Variants in INSR observed in about 807,000 individuals in gnomAD.
The protein encoded by INSR is IR.
INSR carries 67 observed loss-of-function variants against 142.6 expected under a neutral mutation model. The ratio of observed to expected loss-of-function variants is 0.47; its 90% confidence interval spans 0.39 to 0.58. INSR has a LOEUF of 0.58. Ranked by LOEUF, INSR falls within the 20% of genes least tolerant of loss-of-function variation. INSR has a pLI of 0.00. For synonymous variants in INSR, 756 were observed against 743.1 expected, an observed-to-expected ratio of 1.02 and a Z score of -0.28; for missense variants, 1,248 against 1,833.2, an observed-to-expected ratio of 0.68 and a Z score of 5.83.
chr19:7,178,547 T>C (rs10403257), intron 3 of INSR, among the ~76,000 whole-genome samples: 62,607 of 151,772 alleles, frequency 0.41, 13,740 homozygotes, highest in African/African-American at 0.57. Flanking sequence ...GGTGAAACCC[T>C]GTCTCTACTA....
intron 2 of INSR, among the ~76,000 whole-genome samples, chr19:7,224,975 G>A (rs1266445988): frequency 2.6e-5 from 4 of 152,062 alleles, no homozygotes; most frequent in Admixed American, 6.6e-5. Context: ...GAGACAGACA[G>A]ACAGACAGAC....
chr19:7,227,566 C>A (rs1022595058), intron 2 of INSR, among the ~76,000 whole-genome samples: 1 of 152,132 alleles, frequency 6.6e-6, no homozygotes, highest in East Asian at 1.9e-4. Context: ...AGCCACTGCA[C>A]CCGGTCAACA....
intron 2 of INSR, among the ~76,000 whole-genome samples, chr19:7,257,965 G>GGC (rs1976947480): frequency 6.6e-6 from 1 of 152,216 alleles, no homozygotes; most frequent in Non-Finnish European, 1.5e-5. Flanking sequence ...TGGGATTACA[G>GGC]GTGCCCGCCA....
intron 9 of INSR, among the ~76,000 whole-genome samples, chr19:7,153,335 C>T (rs1186495124): frequency 4.4e-5 from 4 of 91,542 alleles, no homozygotes; most frequent in Admixed American, 1.2e-4. Flanking sequence ...CACACACCCA[C>T]GCCACACACC....
intron 1 of INSR, among the ~76,000 whole-genome samples, chr19:7,274,036 T>TA (rs199975654): frequency 8.1e-5 from 12 of 148,184 alleles, no homozygotes; most frequent in African/African-American, 1.5e-4. Flanking sequence ...TAATCAATCC[T>TA]AAAAAAAAAA....
intron 4 of INSR, among the ~76,000 whole-genome samples, chr19:7,173,299 C>G (rs893829518): frequency 3.9e-5 from 6 of 152,052 alleles, no homozygotes; most frequent in African/African-American, 7.2e-5. Context: ...CAAAGGAATG[C>G]CTTTTTGCCT....
chr19:7,238,430 G>A (rs147765242), intron 2 of INSR, among the ~76,000 whole-genome samples: 87 of 152,022 alleles, frequency 5.7e-4, no homozygotes, highest in African/African-American at 2.0e-3. Context: ...GACCAGCCTG[G>A]CCAACATGGT....
At chr19:7,268,103 G>T (rs1379643223) in intron 1 of INSR, among the ~76,000 whole-genome samples, 1 of 152,058 alleles carries the variant, frequency 6.6e-6, no homozygotes, top group East Asian at 1.9e-4. Context: ...AAAACGCCAA[G>T]AAAATAATTC....
chr19:7,187,540 G>A (rs555321808), intron 2 of INSR, among the ~76,000 whole-genome samples: 1 of 152,228 alleles, frequency 6.6e-6, no homozygotes, highest in East Asian at 1.9e-4. Context: ...GGGTACTTGT[G>A]ATATTTTGTC....
chr19:7,153,031 C>CAT, intron 9 of INSR, 104 bp from the exon 10 acceptor site: 1 of 466,998 alleles, frequency 2.1e-6, no homozygotes, highest in Non-Finnish European at 3.6e-6. Flanking sequence ...ACACACCACA[C>CAT]ACACACACAC....
chr19:7,263,250 GC>G (rs1322310782), intron 2 of INSR, among the ~76,000 whole-genome samples: 4 of 151,624 alleles, frequency 2.6e-5, no homozygotes, highest in Non-Finnish European at 4.4e-5. Context: ...CTGCCCCCCA[GC>G]CTAGGTGGCA....
Position 7,216,379 on chromosome 19 carries a change from T to C in INSR, c.653-31742A>G, listed in dbSNP as rs1008746200. Among the ~76,000 whole-genome samples, 9 of 152,148 alleles carry C rather than the reference T, an allele frequency of 5.9e-5. No individual in the cohort carries two copies. Among genetic ancestry groups the C allele is most frequent in the African/African-American group, 1.9e-4 (8 of 41,424 alleles). ...TGTGCCTCTGAAATCCTAAACAGAATATTACATGGCGTCTTGGACCTCCGT... is the reference window on the plus strand; with the variant it reads ...TGTGCCTCTGAAATCCTAAACAGAACATTACATGGCGTCTTGGACCTCCGT... On this transcript the variant is annotated intron_variant, in intron 2 of 21. Coordinates refer to ENST00000302850, the MANE Select transcript of INSR (RefSeq NM_000208.4). The surrounding 1 kb of genome is among the most constrained non-coding windows in gnomAD (Gnocchi z 4.2).
rs1968562023 is a variant in INSR at position 7,293,779 on chromosome 19, C to T, written c.100+13G>A. The T allele has an allele frequency of 7.4e-7, 1 of 1,354,658 alleles. No individual in the cohort carries two copies. The highest frequency in any genetic ancestry group is 1.8e-5 in the South Asian group (1 of 55,638). The allele number at this position is 1,354,658 out of a possible 1,614,324, so 83.9% of individuals were successfully genotyped here. A position where few individuals can be genotyped will look rare whatever the true frequency, so the allele number is the denominator to read the frequency against. Reference sequence around the variant, plus strand: ...GCGGCGCTCCCCGCCCACGCCCGCGCCCCCAGACTCACCCTCTCCGGGGTA... The same window carrying T: ...GCGGCGCTCCCCGCCCACGCCCGCGTCCCCAGACTCACCCTCTCCGGGGTA... On this transcript the variant is annotated intron_variant, in intron 1 of 21. Transcript: ENST00000302850.
chr19:7,200,731 A>C (rs1262125646), intron 2 of INSR, among the ~76,000 whole-genome samples: 2 of 151,904 alleles, frequency 1.3e-5, no homozygotes, highest in East Asian at 3.9e-4. Flanking sequence ...ATGATGACAC[A>C]TGATTGTAGT....
chr19:7,174,447 G>A, intron 4 of INSR, 136 bp downstream of exon 4: 1 of 923,442 alleles, frequency 1.1e-6, no homozygotes, highest in East Asian at 2.4e-5. Context: ...CTATCCATGG[G>A]GGAGCCACTG....
Position 7,180,529 on chromosome 19 carries a change from C to CAAAAA in INSR, c.974+3782_974+3786dup, listed in dbSNP as rs57184012. ...TGGGTGACAGACCAAGACCTTGTCTCAAAAAAAAAAAAAAAAGACAAAAAT... is the reference window on the plus strand; with the variant it reads ...TGGGTGACAGACCAAGACCTTGTCTCAAAAAAAAAAAAAAAAAAAAAGACAAAAAT... On this transcript the variant is annotated intron_variant, in intron 3 of 21. Coordinates refer to ENST00000302850, the MANE Select transcript of INSR (RefSeq NM_000208.4). Among the ~76,000 whole-genome samples, 18 of 91,930 alleles carry CAAAAA rather than the reference C, an allele frequency of 2.0e-4. 1 individual carries two copies. Among genetic ancestry groups the CAAAAA allele is most frequent in the African/African-American group, 7.6e-4 (17 of 22,486 alleles). 60.3% of individuals were successfully genotyped at this position (91,930 alleles called of 152,430 possible). A position where few individuals can be genotyped will look rare whatever the true frequency, so the allele number is the denominator to read the frequency against.
intron 2 of INSR, among the ~76,000 whole-genome samples, chr19:7,232,675 T>G (rs1976019006): frequency 6.6e-6 from 1 of 151,616 alleles, no homozygotes; most frequent in Non-Finnish European, 1.5e-5. Flanking sequence ...CCAGGCGTGG[T>G]GGCAGGCGCC....
chr19:7,264,579 T>C (rs1409542190), intron 2 of INSR, among the ~76,000 whole-genome samples: 1 of 152,238 alleles, frequency 6.6e-6, no homozygotes, highest in Non-Finnish European at 1.5e-5. Context: ...GTGTCCCAGC[T>C]AGAAGCAGCT....
intron 2 of INSR, among the ~76,000 whole-genome samples, chr19:7,221,532 AC>A (rs1372128618): frequency 6.6e-6 from 1 of 151,976 alleles, no homozygotes; most frequent in African/African-American, 2.4e-5. Flanking sequence ...GCACGGCGAA[AC>A]CCCGTCCCTA....
Sources: allele counts gnomAD v4.1 joint callset (sites outside exome capture counted in the v4.1 genomes callset), GRCh38; gene constraint gnomAD v4.1.1; non-coding constraint Gnocchi (gnomAD v3.1); transcripts MANE v1.5; gene names NCBI Gene and HGNC (gene_info 2026-07-23, HGNC 2026-07-21).